USP15: variants seen among roughly 807,000 people sequenced by gnomAD.
USP15 encodes the protein ubiquitin carboxyl-terminal hydrolase 15.
A neutral mutation model predicts 127.1 loss-of-function variants in USP15; 18 were observed. The observed-to-expected ratio is 0.14, with a 90% CI of 0.10 to 0.21. The LOEUF (loss-of-function observed/expected upper bound fraction) is 0.21. Among genes scored for constraint, USP15 ranks in the 10% least tolerant of loss-of-function variants. The pLI is 1.00. For synonymous variants in USP15, 364 were observed against 393.7 expected, an observed-to-expected ratio of 0.92 and a Z score of 0.89; for missense variants, 805 against 1,159.9, an observed-to-expected ratio of 0.69 and a Z score of 4.44.
At chr12:62,392,949 C>A in intron 18 of USP15, 104 bp from the exon 19 acceptor site, 1 of 1,281,042 alleles carries the variant, frequency 7.8e-7, no homozygotes, top group East Asian at 2.4e-5. Flanking sequence ...TATAATTGCC[C>A]ACTGAATAAA....
Position 62,355,491 on chromosome 12 carries a change from CA to C in USP15, c.915+20del. On this transcript the variant is annotated intron_variant, in intron 8 of 21. Transcript: ENST00000280377. ...AGCTATTCAGGTAGGTCTTTGTAAACAAAATGAAACTCATGTTTCATGGAAA... is the reference window on the plus strand; with the variant it reads ...AGCTATTCAGGTAGGTCTTTGTAAACAAATGAAACTCATGTTTCATGGAAA... 6.4e-7 allele frequency: 1 copy of C among 1,568,092 alleles called. No individual in the cohort carries two copies. Among genetic ancestry groups the C allele is most frequent in the South Asian group, 1.2e-5 (1 of 84,172 alleles).
intron 4 of USP15, among the ~76,000 whole-genome samples, chr12:62,320,338 G>A (rs1391807933): frequency 6.6e-6 from 1 of 152,084 alleles, no homozygotes; most frequent in Non-Finnish European, 1.5e-5. Context: ...GATAAGATGT[G>A]CTTGCTTCCC....
In USP15 at chr12:62,386,872, C is replaced by T. The variant is rs113212296; in HGVS notation, c.1474-2559C>T. Among the ~76,000 whole-genome samples, 55 of 152,224 alleles carry T rather than the reference C, an allele frequency of 3.6e-4. 1 individual carries two copies. The highest frequency in any genetic ancestry group is 4.1e-4 in the African/African-American group (17 of 41,548). On this transcript the variant is annotated intron_variant, in intron 11 of 21. Transcript: ENST00000280377. ...AGGTAAGAAGCTTTTAATGATCAGA[C>T]GACAGACAAATGACAAACACTTCAA...
At chr12:62,350,140 T>C (rs1394253901) in intron 7 of USP15, among the ~76,000 whole-genome samples, 1 of 151,958 alleles carries the variant, frequency 6.6e-6, no homozygotes, top group Non-Finnish European at 1.5e-5. Context: ...ATTACTATTA[T>C]ACTAATCAAA....
At chr12:62,381,397 G>A (rs992208777) in intron 8 of USP15, 93 bp from the exon 9 acceptor site, 26 of 1,120,878 alleles carry the variant, frequency 2.3e-5, no homozygotes, top group Non-Finnish European at 3.7e-6. Context: ...CTGTGTTATA[G>A]CAAATCAATT....
intron 6 of USP15, among the ~76,000 whole-genome samples, chr12:62,346,231 TAA>T (rs910324746): frequency 1.3e-5 from 2 of 152,204 alleles, no homozygotes; most frequent in African/African-American, 2.4e-5. Flanking sequence ...AAAAGAAATA[TAA>T]GAGTTAAGAT....
chr12:62,344,194 G>A (rs948347073), intron 6 of USP15, among the ~76,000 whole-genome samples: 2 of 152,146 alleles, frequency 1.3e-5, no homozygotes, highest in Admixed American at 1.3e-4. Flanking sequence ...CCACCTATGA[G>A]CCTGTAAAAT....
At chr12:62,403,627 G>A (rs1266060173) in intron 21 of USP15, among the ~76,000 whole-genome samples, 1 of 151,994 alleles carries the variant, frequency 6.6e-6, no homozygotes. Flanking sequence ...ATGAGGAAGA[G>A]GAAGAGAGGT....
intron 8 of USP15, among the ~76,000 whole-genome samples, chr12:62,378,108 C>T (rs1163025871): frequency 1.3e-5 from 2 of 151,734 alleles, no homozygotes; most frequent in African/African-American, 2.4e-5. Context: ...TGGGGAGGCT[C>T]AGGCAGGAGA....
intron 1 of USP15, among the ~76,000 whole-genome samples, chr12:62,262,340 G>A (rs1403383478): frequency 6.6e-6 from 1 of 152,172 alleles, no homozygotes; most frequent in African/African-American, 2.4e-5. Flanking sequence ...TTGGCTTGTG[G>A]TAATGACAAA....
chr12:62,393,180 A>G lies in USP15; in HGVS notation c.2548A>G (p.Thr850Ala). The G allele has an allele frequency of 6.2e-7, 1 of 1,612,648 alleles. No individual in the cohort carries two copies. The highest frequency in any genetic ancestry group is 8.5e-7 in the Non-Finnish European group (1 of 1,179,340). ...TCGATACATGAGAGACAAGTTGGATACCTTAGTTGATTTTCCTATCAAGTA... is the reference window on the plus strand; with the variant it reads ...TCGATACATGAGAGACAAGTTGGATGCCTTAGTTGATTTTCCTATCAAGTA... ...YSRYMRDKLD[T>A]LVDFPINDLD... The change falls in exon 19 of 22, where the codon ACC becomes GCC. Residue 850 changes from threonine to alanine, a missense_variant. Transcript: ENST00000280377.
At chr12:62,360,042 A>G (rs531609152) in intron 8 of USP15, among the ~76,000 whole-genome samples, 1 of 152,250 alleles carries the variant, frequency 6.6e-6, no homozygotes, top group African/African-American at 2.4e-5. Context: ...GAGCACTTCA[A>G]CCCTTGTCTT....
chr12:62,321,731 T>C, intron 5 of USP15, 122 bp downstream of exon 5: 1 of 726,094 alleles, frequency 1.4e-6, no homozygotes, highest in East Asian at 3.4e-5. Context: ...TCTAAACTCA[T>C]CTCTTGTCTT....
chr12:62,303,133 CTA>C (rs983474492), intron 3 of USP15: 63 of 396,842 alleles, frequency 1.6e-4, no homozygotes, highest in African/African-American at 1.1e-3. Context: ...GATTAATCCT[CTA>C]TATATAGAGA....
chr12:62,355,613 T>A, intron 8 of USP15, 138 bp downstream of exon 8: 1 of 965,656 alleles, frequency 1.0e-6, no homozygotes, highest in Non-Finnish European at 1.5e-6. Context: ...AGCATACATA[T>A]TTGACTTATT....
intron 1 of USP15, among the ~76,000 whole-genome samples, chr12:62,288,722 G>A (rs932814818): frequency 6.6e-6 from 1 of 152,084 alleles, no homozygotes; most frequent in Non-Finnish European, 1.5e-5. Context: ...GATATTGGTT[G>A]TAGTTTCGTT....
At position 62,391,527 on chromosome 12, in the gene USP15, T is replaced by C. The variant is rs565436432; in HGVS notation, c.2233+98T>C. 1.4e-4 allele frequency: 195 copies of C among 1,430,478 alleles called. 2 individuals are homozygous for C. The African/African-American group carries it at 2.7e-3, about 20-fold the overall frequency. The allele number at this position is 1,430,478 out of a possible 1,614,324, so 88.6% of individuals were successfully genotyped here. On this transcript the variant is annotated intron_variant, in intron 16 of 21. Transcript: ENST00000280377. Reference sequence around the variant, plus strand: ...TGAAATTCAGCTCTGTCAAGAAATATACCATTTACTTTTCTATCTCAAATT... The same window carrying C: ...TGAAATTCAGCTCTGTCAAGAAATACACCATTTACTTTTCTATCTCAAATT...
chr12:62,309,184 A>G (rs1234095092), intron 3 of USP15, among the ~76,000 whole-genome samples: 1 of 152,120 alleles, frequency 6.6e-6, no homozygotes, highest in Non-Finnish European at 1.5e-5. Flanking sequence ...GAGTCCTGGC[A>G]GGATTGTTTA....
At chr12:62,375,003 A>G (rs2066781464) in intron 8 of USP15, among the ~76,000 whole-genome samples, 2 of 152,248 alleles carry the variant, frequency 1.3e-5, no homozygotes, top group African/African-American at 4.8e-5. Context: ...TGCATAAACC[A>G]TTCAAATATT....
Sources: gnomAD v4.1 joint callset for allele counts (sites outside exome capture counted in the v4.1 genomes callset) on GRCh38, gnomAD v4.1.1 for gene constraint, MANE v1.5 for transcripts, NCBI Gene and HGNC (gene_info 2026-07-23, HGNC 2026-07-21) for gene names.